DOCK9: variants seen among roughly 807,000 people sequenced by gnomAD.
DOCK9 encodes the protein dedicator of cytokinesis protein 9.
A neutral mutation model predicts 263.3 loss-of-function variants in DOCK9; 89 were observed. The observed-to-expected ratio is 0.34, with a 90% CI of 0.28 to 0.40. The LOEUF is 0.40. Among genes scored for constraint, DOCK9 ranks in the 10% least tolerant of loss-of-function variants. The pLI is 1.00. For missense variants in DOCK9, 2,140 were observed against 2,603.4 expected (o/e 0.82, Z 3.87); for synonymous variants, 976 against 973.1 (o/e 1.00, Z -0.06).
intron 50 of DOCK9, among the ~76,000 whole-genome samples, chr13:98,799,534 C>T (rs776694439): frequency 3.3e-5 from 5 of 152,118 alleles, no homozygotes; most frequent in Non-Finnish European, 7.4e-5. Flanking sequence ...AACGGGAAAG[C>T]GCATATATCA....
chr13:98,896,892 C>G (rs1025191734), intron 15 of DOCK9, among the ~76,000 whole-genome samples: 2 of 152,160 alleles, frequency 1.3e-5, no homozygotes, highest in African/African-American at 4.8e-5. Context: ...TCTGCAGATG[C>G]AATCAGTTAA....
At chr13:99,008,210 C>CTATA (rs1394085625) in intron 1 of DOCK9, among the ~76,000 whole-genome samples, 111 of 72,632 alleles carry the variant, frequency 1.5e-3, no homozygotes, top group East Asian at 0.014. Flanking sequence ...CTCTCTCTCT[C>CTATA]TCTATATATA....
intron 39 of DOCK9, among the ~76,000 whole-genome samples, chr13:98,836,067 A>G (rs1462738173): frequency 1.3e-5 from 2 of 152,102 alleles, no homozygotes; most frequent in African/African-American, 4.8e-5. Context: ...AGCAACTTGA[A>G]GGGGGCTGAA....
intron 1 of DOCK9, among the ~76,000 whole-genome samples, chr13:98,998,258 CAT>C (rs913027323): frequency 2.0e-5 from 3 of 152,138 alleles, no homozygotes; most frequent in African/African-American, 4.8e-5. Context: ...CCACAGCGCA[CAT>C]GTCTCAATTC....
intron 27 of DOCK9, among the ~76,000 whole-genome samples, chr13:98,877,954 C>T (rs962325336): frequency 5.9e-5 from 9 of 152,164 alleles, no homozygotes; most frequent in African/African-American, 2.2e-4. Context: ...TGACCTGTGC[C>T]CCCCTCGAAT....
chr13:98,822,029 G>C (rs1227943356), intron 45 of DOCK9, among the ~76,000 whole-genome samples: 1 of 152,078 alleles, frequency 6.6e-6, no homozygotes. Context: ...CTGCTTTCCT[G>C]TCTTTTAGAA....
At chr13:98,804,165 G>A (rs2090431989) in intron 49 of DOCK9, among the ~76,000 whole-genome samples, 1 of 152,054 alleles carries the variant, frequency 6.6e-6, no homozygotes, top group Non-Finnish European at 1.5e-5. Flanking sequence ...ACTTAACTAG[G>A]GCCACTCTTT....
intron 9 of DOCK9, among the ~76,000 whole-genome samples, chr13:98,908,590 T>C (rs1468156668): frequency 1.3e-5 from 2 of 152,254 alleles, no homozygotes; most frequent in Non-Finnish European, 2.9e-5. Context: ...GAGGGACATC[T>C]ATGAAATATT....
At chr13:98,966,691 A>C (rs554218860) in intron 1 of DOCK9, among the ~76,000 whole-genome samples, 32 of 152,330 alleles carry the variant, frequency 2.1e-4, no homozygotes, top group Non-Finnish European at 1.5e-5. Flanking sequence ...GATATTGGGG[A>C]TAGGGAATGG....
intron 49 of DOCK9, 111 bp downstream of exon 49, chr13:98,804,888 T>C (rs2090509061): frequency 1.9e-6 from 2 of 1,043,680 alleles, no homozygotes; most frequent in Non-Finnish European, 2.8e-6. Context: ...GGTGTGGGGG[T>C]GGCTAACTGA....
At chr13:99,063,511 A>G (rs907022793) in intron 1 of DOCK9, among the ~76,000 whole-genome samples, 3 of 152,186 alleles carry the variant, frequency 2.0e-5, no homozygotes, top group African/African-American at 7.2e-5. Context: ...GTGAGCATCC[A>G]TATGCCTCCC....
intron 1 of DOCK9, among the ~76,000 whole-genome samples, chr13:99,016,861 T>C (rs554715369): frequency 3.3e-4 from 51 of 152,346 alleles, no homozygotes; most frequent in African/African-American, 1.1e-3. Context: ...TTTCTCTCTA[T>C]AGATGTGAAA....
chr13:98,893,042 G>C (rs1429084785), intron 15 of DOCK9, among the ~76,000 whole-genome samples: 2 of 152,184 alleles, frequency 1.3e-5, no homozygotes, highest in African/African-American at 4.8e-5. Flanking sequence ...TGTGTATGCT[G>C]CATGTGTTTG....
upstream of DOCK9, among the ~76,000 whole-genome samples, chr13:98,979,180 A>AGTAG (rs1876236809): frequency 7.5e-5 from 10 of 132,812 alleles, no homozygotes; most frequent in African/African-American, 2.8e-4. Context: ...AGCAGCAGCA[A>AGTAG]TAGTAGTAGT....
intron 13 of DOCK9, among the ~76,000 whole-genome samples, chr13:98,901,185 G>A (rs1279562922): frequency 6.6e-6 from 1 of 152,174 alleles, no homozygotes; most frequent in Non-Finnish European, 1.5e-5. Flanking sequence ...TCTTGGACTA[G>A]ATGACCTCTA....
At chr13:98,860,566 A>C (rs2093832750) in intron 32 of DOCK9, 44 bp from the exon 33 acceptor site, 1 of 1,513,652 alleles carries the variant, frequency 6.6e-7, no homozygotes, top group African/African-American at 1.4e-5. Context: ...ATGACTGGAA[A>C]GGATTCCTCC....
In DOCK9 at chr13:98,810,219, C is replaced by T. The variant is rs61745987; in HGVS notation, c.5203G>A (p.Asp1735Asn). ...ATGGGGATGATAAGTTTGTAGATGT[C>T]GGCGATGAGCTCGTAGCGCTCGGCT... ...WKAERYELIADIYKLIIPIYE... is the reference protein window; with the variant it reads ...WKAERYELIANIYKLIIPIYE... Residue 1735 changes from aspartate (D) to asparagine (N), a missense_variant, in exon 46 of 53, where the codon GAC becomes AAC. By Grantham distance (23) the Asp-to-Asn change is conservative. This residue lies in a region of DOCK9 where 619 missense variants were observed against 861.8 expected (regional missense o/e 0.72). Transcript: ENST00000682017. 7.0e-4 allele frequency: 1,127 copies of T among 1,613,888 alleles called. 4 individuals are homozygous for T. The Middle Eastern group carries it at 0.02, about 28-fold the overall frequency.
At chr13:98,973,077 A>T (rs907104994) in intron 1 of DOCK9, among the ~76,000 whole-genome samples, 1 of 152,252 alleles carries the variant, frequency 6.6e-6, no homozygotes, top group Non-Finnish European at 1.5e-5. Flanking sequence ...AGCTTTTGGG[A>T]ACATCTTTCT....
At chr13:99,023,378 A>C (rs1229046606) in intron 1 of DOCK9, among the ~76,000 whole-genome samples, 1 of 152,250 alleles carries the variant, frequency 6.6e-6, no homozygotes, top group African/African-American at 2.4e-5. Context: ...AATAAACCAG[A>C]TACAAAAGGA....
Sources: allele counts gnomAD v4.1 joint callset (sites outside exome capture counted in the v4.1 genomes callset), GRCh38; gene constraint gnomAD v4.1.1; regional missense constraint gnomAD v4.1.1; transcripts MANE v1.5; gene names NCBI Gene and HGNC (gene_info 2026-07-23, HGNC 2026-07-21).